Variants in LRRC4C observed in about 807,000 individuals in gnomAD.
LRRC4C encodes the protein leucine rich repeat containing 4C, also known as leucine-rich repeat-containing protein 4C.
Under a neutral mutation model 33.6 loss-of-function variants are expected in LRRC4C, and 5 were observed. The observed-to-expected ratio is 0.15, with a 90% CI of 0.08 to 0.31. The LOEUF (loss-of-function observed/expected upper bound fraction) is 0.31. Among genes scored for constraint, LRRC4C ranks in the 10% least tolerant of loss-of-function variants. The pLI is 1.00. For synonymous variants in LRRC4C, 329 were observed against 302.0 expected (o/e 1.09, Z -0.93); for missense variants, 560 against 796.7 (o/e 0.70, Z 3.58).
chr11:40,993,014 T>C (rs1052385224), intron 1 of LRRC4C, among the ~76,000 whole-genome samples: 4 of 152,182 alleles, frequency 2.6e-5, no homozygotes, highest in Non-Finnish European at 5.9e-5. Context: ...AAACGATCCA[T>C]GACAAAGCTT....
intron 2 of LRRC4C, among the ~76,000 whole-genome samples, chr11:40,763,242 G>A (rs983461329): frequency 6.6e-6 from 1 of 151,970 alleles, no homozygotes; most frequent in African/African-American, 2.4e-5. Context: ...ATATCTGCTA[G>A]TGCTGCTTAT....
chr11:41,258,565 C>T (rs188551973), intron 1 of LRRC4C, among the ~76,000 whole-genome samples: 146 of 151,372 alleles, frequency 9.6e-4, no homozygotes, highest in African/African-American at 3.4e-3. Context: ...AATTTTTTTT[C>T]CTTTACAGTC....
chr11:40,692,461 A>G (rs1333257607), intron 2 of LRRC4C, among the ~76,000 whole-genome samples: 2 of 152,082 alleles, frequency 1.3e-5, no homozygotes, highest in Non-Finnish European at 2.9e-5. Context: ...TGAAAAGTTC[A>G]GGGCACAGTT....
intron 1 of LRRC4C, among the ~76,000 whole-genome samples, chr11:41,091,169 A>T (rs920644722): frequency 4.6e-5 from 7 of 151,994 alleles, no homozygotes; most frequent in African/African-American, 1.7e-4. Context: ...ATAATAATAC[A>T]TTACTTTATA....
chr11:41,139,997 A>G (rs1943433269), intron 1 of LRRC4C, among the ~76,000 whole-genome samples: 1 of 152,118 alleles, frequency 6.6e-6, no homozygotes, highest in Non-Finnish European at 1.5e-5. Flanking sequence ...TGATCTCATG[A>G]TTTTCATGAT....
chr11:41,117,475 G>T (rs951178209), intron 1 of LRRC4C, among the ~76,000 whole-genome samples: 1 of 152,222 alleles, frequency 6.6e-6, no homozygotes, highest in African/African-American at 2.4e-5. Context: ...TGTAAACTAT[G>T]ATAGCAACTA....
In LRRC4C at chr11:40,115,637, A is replaced by T. The variant is rs1304411454; in HGVS notation, c.656T>A (p.Ile219Lys). The T allele has an allele frequency of 6.2e-7, 1 of 1,614,192 alleles. No individual in the cohort carries two copies. ...LREIPNLTPL[I>K]KLDELDLSGN... ...AGAAAGATCCAGCTCATCTAGTTTT[A>T]TGAGCGGTGTGAGGTTAGGGATTTC... Residue 219 changes from isoleucine to lysine, a missense_variant, in exon 7 of 7, where the codon ATA (isoleucine) becomes AAA (lysine). Transcript: ENST00000528697. This position sits in a 1 kb window ranked among gnomAD's most constrained non-coding sequence, Gnocchi z 6.7.
At chr11:40,294,671 A>T (rs1351041816) in intron 4 of LRRC4C, among the ~76,000 whole-genome samples, 2 of 151,770 alleles carry the variant, frequency 1.3e-5, no homozygotes, top group Admixed American at 1.3e-4. Context: ...TACTAAAAAT[A>T]CAAAAATTAG....
chr11:41,019,560 G>A (rs1189182380), intron 1 of LRRC4C, among the ~76,000 whole-genome samples: 1 of 151,912 alleles, frequency 6.6e-6, no homozygotes, highest in Non-Finnish European at 1.5e-5. Context: ...TGGCTCAAAT[G>A]GTATTTCTGA....
At position 40,428,883 on chromosome 11, in the gene LRRC4C, G is replaced by T. The variant is rs536516766; in HGVS notation, c.-269-109162C>A. 1.6e-4 allele frequency among the ~76,000 whole-genome samples: 25 copies of T among 152,164 alleles called. No individual in the cohort carries two copies. The South Asian group carries it at 5.2e-3, about 32-fold the overall frequency. On this transcript the variant is annotated intron_variant, in intron 3 of 6. Coordinates refer to ENST00000528697, the MANE Select transcript of LRRC4C (RefSeq NM_001258419.2). ...AGCTCTGTTCCCATATACTTAAAAGGGCTTGAAGTCAGGAGTGGATGTTTT... is the reference window on the plus strand; with the variant it reads ...AGCTCTGTTCCCATATACTTAAAAGTGCTTGAAGTCAGGAGTGGATGTTTT...
chr11:41,252,259 T>C (rs562899430), intron 1 of LRRC4C, among the ~76,000 whole-genome samples: 14 of 152,112 alleles, frequency 9.2e-5, no homozygotes, highest in Non-Finnish European at 1.9e-4. Flanking sequence ...CGTTTCCTAA[T>C]TGGTACTTGA....
At position 41,423,156 on chromosome 11, in the gene LRRC4C, A is replaced by T. The variant is rs7111941; in HGVS notation, c.-496+36275T>A. The stretch of plus-strand genomic sequence containing the variant: ...ACATGAATTTTTAAGAATGAACATA[A>T]ATATTATAAGGAGATTTAACAGGGT... On this transcript the variant is annotated intron_variant, in intron 1 of 6. Transcript: ENST00000528697. Among the ~76,000 whole-genome samples, 616 of 152,158 alleles carry T rather than the reference A, an allele frequency of 4.0e-3. 6 individuals are homozygous for T. Among genetic ancestry groups the T allele is most frequent in the African/African-American group, 0.014 (570 of 41,550 alleles).
intron 1 of LRRC4C, among the ~76,000 whole-genome samples, chr11:41,189,811 C>G (rs551599514): frequency 6.6e-6 from 1 of 152,288 alleles, no homozygotes; most frequent in South Asian, 2.1e-4. Flanking sequence ...GCTTTTTACT[C>G]AAGCAGTGAT....
chr11:41,329,125 T>C (rs1188600827), intron 1 of LRRC4C, among the ~76,000 whole-genome samples: 1 of 152,222 alleles, frequency 6.6e-6, no homozygotes, highest in Non-Finnish European at 1.5e-5. Context: ...CTTGGGGGAA[T>C]ATTTTCTTCA....
chr11:40,609,602 C>A (rs773902063), intron 3 of LRRC4C, among the ~76,000 whole-genome samples: 22 of 151,564 alleles, frequency 1.5e-4, no homozygotes, highest in East Asian at 1.9e-4. Flanking sequence ...TAGAAAAAAA[C>A]CAACAAAAAT....
intron 5 of LRRC4C, among the ~76,000 whole-genome samples, chr11:40,218,905 C>A (rs950786933): frequency 6.6e-6 from 1 of 152,098 alleles, no homozygotes; most frequent in Admixed American, 6.6e-5. Flanking sequence ...GCATCCACTT[C>A]TGGATCTCTG....
chr11:40,262,506 C>T lies in LRRC4C; in HGVS notation c.-175-20908G>A, dbSNP rs149765190. ...GGTATATACCCAAAGGATTATAAAT[C>T]ATTCTCCTATAAAGCCACGTGCCCA... is the stretch of plus-strand genomic sequence containing the variant. On this transcript the variant is annotated intron_variant, in intron 4 of 6. Transcript: ENST00000528697. 1.4e-4 allele frequency among the ~76,000 whole-genome samples: 21 copies of T among 152,280 alleles called. No homozygotes were observed. In the South Asian group the frequency reaches 1.9e-3, roughly 14 times the overall value.
At chr11:40,941,221 TA>T (rs1958128302) in intron 1 of LRRC4C, among the ~76,000 whole-genome samples, 1 of 152,180 alleles carries the variant, frequency 6.6e-6, no homozygotes, top group Non-Finnish European at 1.5e-5. Flanking sequence ...ATGATAATTT[TA>T]TTACTATGCA....
intron 3 of LRRC4C, among the ~76,000 whole-genome samples, chr11:40,531,644 C>A (rs1956276154): frequency 6.6e-6 from 1 of 151,942 alleles, no homozygotes; most frequent in Non-Finnish European, 1.5e-5. Context: ...GAATTGATTT[C>A]TATTATTGGC....
Sources: allele counts gnomAD v4.1 joint callset (sites outside exome capture counted in the v4.1 genomes callset), GRCh38; gene constraint gnomAD v4.1.1; non-coding constraint Gnocchi (gnomAD v3.1); transcripts MANE v1.5; gene names NCBI Gene and HGNC (gene_info 2026-07-23, HGNC 2026-07-21).